TTC4: variants seen among roughly 807,000 people sequenced by gnomAD.
TTC4 encodes hsp70/Hsp90 co-chaperone CNS1 homolog.
In TTC4, 36 loss-of-function variants were observed where a neutral mutation model predicts 51.9. The observed-to-expected ratio is 0.69, with a 90% CI of 0.53 to 0.92. The LOEUF (loss-of-function observed/expected upper bound fraction) is 0.92. TTC4 is among the 40% of genes least tolerant of loss of function. The pLI is 0.00. For synonymous variants in TTC4, 144 were observed against 164.2 expected (o/e 0.88, Z 0.94); for missense variants, 399 against 454.6 (o/e 0.88, Z 1.11).
intron 9 of TTC4, among the ~76,000 whole-genome samples, chr1:54,738,745 C>T (rs775711583): frequency 8.6e-5 from 13 of 151,064 alleles, no homozygotes; most frequent in Non-Finnish European, 1.9e-4. Flanking sequence ...GCAACCTCTA[C>T]CTCACCCCCC....
At chr1:54,731,092 G>A (rs1049423864) in intron 6 of TTC4, among the ~76,000 whole-genome samples, 5 of 152,150 alleles carry the variant, frequency 3.3e-5, no homozygotes, top group African/African-American at 7.2e-5. Context: ...TGTGACACAG[G>A]GTCCAGCACA....
intron 2 of TTC4, among the ~76,000 whole-genome samples, 153 bp downstream of exon 2, chr1:54,716,870 G>T (rs932657421): frequency 6.6e-6 from 1 of 152,156 alleles, no homozygotes; most frequent in Non-Finnish European, 1.5e-5. Context: ...CTACTAAGTG[G>T]TAAGGACTGG....
chr1:54,735,376 C>T (rs1391829473), intron 8 of TTC4, among the ~76,000 whole-genome samples: 2 of 152,014 alleles, frequency 1.3e-5, no homozygotes, highest in African/African-American at 2.4e-5. Flanking sequence ...TCAGATACCA[C>T]GCCCAGCTAA....
At chr1:54,740,735 A>G (rs1164664512) in intron 9 of TTC4, among the ~76,000 whole-genome samples, 2 of 151,604 alleles carry the variant, frequency 1.3e-5, no homozygotes, top group East Asian at 3.9e-4. Flanking sequence ...GTAATACAAC[A>G]CCCCTATCCC....
chr1:54,728,098 C>T (rs1313856537), intron 5 of TTC4, among the ~76,000 whole-genome samples: 1 of 152,196 alleles, frequency 6.6e-6, no homozygotes, highest in East Asian at 1.9e-4. Context: ...CTGTACCCCT[C>T]AACCCCTCAG....
At chr1:54,736,246 GGAGA>G (rs1403330418) in intron 8 of TTC4, among the ~76,000 whole-genome samples, 3 of 141,752 alleles carry the variant, frequency 2.1e-5, no homozygotes, top group Non-Finnish European at 4.5e-5. Flanking sequence ...AGAGAAGAGA[GGAGA>G]GAGGAGAGAG....
intron 2 of TTC4, 111 bp downstream of exon 2, chr1:54,716,828 C>A: frequency 1.2e-6 from 1 of 823,420 alleles, no homozygotes; most frequent in Non-Finnish European, 1.9e-6. Context: ...GCTAACTTGT[C>A]ATTATTCATT....
chr1:54,738,661 C>CTTTTTTTTTTTT (rs567268643), intron 9 of TTC4, among the ~76,000 whole-genome samples: 3 of 138,838 alleles, frequency 2.2e-5, no homozygotes, highest in African/African-American at 8.3e-5. Flanking sequence ...CTAGGATGGC[C>CTTTTTTTTTTTT]TTTTTTTTTT....
chr1:54,726,933 T>G (rs1017765296), intron 5 of TTC4, among the ~76,000 whole-genome samples: 1 of 152,070 alleles, frequency 6.6e-6, no homozygotes, highest in Non-Finnish European at 1.5e-5. Context: ...ATGCCACATC[T>G]GGCTAATTTC....
At position 54,731,605 on chromosome 1, in the gene TTC4, T is replaced by C; in HGVS notation, c.801T>C (p.Ser267=). 1 of 1,614,004 alleles carries C rather than the reference T, an allele frequency of 6.2e-7. No homozygotes were observed. The highest frequency in any genetic ancestry group is 1.6e-4 in the Middle Eastern group (1 of 6,062). Residue 267 remains serine (S), a synonymous_variant, in exon 7 of 10, where the codon AGT becomes AGC. Transcript: ENST00000371281. ...STENPHGARL[S]LDGQGRLSWP... ...AGAACCCCCATGGAGCCAGGCTGAGTCTAGATGGCCAGGGCAGGCTGAGCT... is the reference window on the plus strand; with the variant it reads ...AGAACCCCCATGGAGCCAGGCTGAGCCTAGATGGCCAGGGCAGGCTGAGCT...
chr1:54,722,781 T>A lies in TTC4; in HGVS notation c.576T>A (p.Ala192=). The A allele has an allele frequency of 6.2e-7, 1 of 1,613,902 alleles. No individual in the cohort carries two copies. Among genetic ancestry groups the A allele is most frequent in the Non-Finnish European group, 8.5e-7 (1 of 1,179,896 alleles). ...AGAAGAAGCTTCTGGAAATGAGGGC[T>A]AAAGCAGACAAGCTGAAGGTTGGTG... is the stretch of plus-strand genomic sequence containing the variant. ...AKEKKLLEMR[A]KADKLKRIEQ... The change falls in exon 5 of 10, where the codon GCT becomes GCA. Residue 192 remains alanine (A), a synonymous_variant. Transcript: ENST00000371281.
At chr1:54,733,309 A>G (rs558145656) in intron 7 of TTC4, among the ~76,000 whole-genome samples, 1 of 152,054 alleles carries the variant, frequency 6.6e-6, no homozygotes, top group East Asian at 1.9e-4. Flanking sequence ...AGTCTCAGCT[A>G]TGCAGGAGGC....
chr1:54,725,862 G>A (rs181047263), intron 5 of TTC4, among the ~76,000 whole-genome samples: 9 of 152,294 alleles, frequency 5.9e-5, no homozygotes, highest in East Asian at 3.9e-4. Context: ...GCTCAACAGC[G>A]CATTTGAGCA....
At chr1:54,735,220 CTTGT>C (rs1011874822) in intron 8 of TTC4, among the ~76,000 whole-genome samples, 10 of 152,008 alleles carry the variant, frequency 6.6e-5, no homozygotes, top group African/African-American at 9.7e-5. Context: ...ATTATACATA[CTTGT>C]TTGTTTGTTT....
chr1:54,725,688 T>C (rs1645791516), intron 5 of TTC4, among the ~76,000 whole-genome samples: 1 of 152,212 alleles, frequency 6.6e-6, no homozygotes, highest in Admixed American at 6.5e-5. Context: ...AATTTAAATA[T>C]CTTCTCAGAA....
chr1:54,738,878 G>C (rs543589056), intron 9 of TTC4, among the ~76,000 whole-genome samples: 81 of 151,942 alleles, frequency 5.3e-4, no homozygotes, highest in African/African-American at 1.9e-3. Flanking sequence ...GTCCAGGCTG[G>C]TCTCAAACTC....
chr1:54,724,136 T>A (rs1034190355), intron 5 of TTC4, among the ~76,000 whole-genome samples: 4 of 152,238 alleles, frequency 2.6e-5, no homozygotes, highest in Non-Finnish European at 5.9e-5. Flanking sequence ...TATTCCCCTG[T>A]GTCTGAGTAC....
chr1:54,722,555 T>C (rs1645754663), intron 4 of TTC4, 120 bp from the exon 5 acceptor site: 1 of 1,418,814 alleles, frequency 7.0e-7, no homozygotes, highest in African/African-American at 1.4e-5. Flanking sequence ...TAAGGGGCAT[T>C]ATCCTCCATT....
At position 54,741,636 on chromosome 1, in the gene TTC4, TC is replaced by T. The variant is rs1330953532; in HGVS notation, c.*125del. On this transcript the variant is annotated 3_prime_UTR_variant, in exon 10 of 10. Coordinates refer to ENST00000371281, the MANE Select transcript of TTC4 (RefSeq NM_004623.5). The stretch of plus-strand genomic sequence containing the variant: ...TTTCCGTCACCCTGGGGATAGTCCT[TC>T]CTGGCATCGTGGTGGGGGAGGAGCC... 2.2e-5 allele frequency: 18 copies of T among 814,640 alleles called. No individual in the cohort carries two copies. The highest frequency in any genetic ancestry group is 3.6e-5 in the Non-Finnish European group (18 of 501,694). The allele number at this position is 814,640 out of a possible 1,614,324, so 50.5% of individuals were successfully genotyped here. A position where few individuals can be genotyped will look rare whatever the true frequency, so the allele number is the denominator to read the frequency against.
Sources: allele counts gnomAD v4.1 joint callset (sites outside exome capture counted in the v4.1 genomes callset), GRCh38; gene constraint gnomAD v4.1.1; transcripts MANE v1.5; gene names NCBI Gene and HGNC (gene_info 2026-07-23, HGNC 2026-07-21).